The following NRG3 variants were observed in gnomAD, a reference collection of about 807,000 sequenced individuals.
NRG3 encodes the protein pro-neuregulin-3, membrane-bound isoform.
Under a neutral mutation model 66.9 loss-of-function variants are expected in NRG3, and 31 were observed. The ratio of observed to expected loss-of-function variants is 0.46; its 90% CI spans 0.35 to 0.63. The LOEUF is 0.63. NRG3 is among the 20% of genes least tolerant of loss of function. NRG3 has a pLI of 0.00. For synonymous variants in NRG3, 393 were observed against 359.4 expected (o/e 1.09, Z -1.06); for missense variants, 910 against 878.9 (o/e 1.04, Z -0.45).
intron 1 of NRG3, among the ~76,000 whole-genome samples, chr10:82,272,478 A>G (rs969111991): frequency 7.2e-5 from 11 of 152,190 alleles, no homozygotes; most frequent in Admixed American, 2.0e-4. Context: ...TGATTTTCCA[A>G]GTGTACATGA....
intron 2 of NRG3, among the ~76,000 whole-genome samples, chr10:82,508,302 A>G (rs1844863057): frequency 6.6e-6 from 1 of 152,176 alleles, no homozygotes; most frequent in Non-Finnish European, 1.5e-5. Context: ...AGACATGACA[A>G]ATGTGTTATT....
At chr10:82,847,083 G>A (rs1319194249) in intron 3 of NRG3, among the ~76,000 whole-genome samples, 2 of 152,170 alleles carry the variant, frequency 1.3e-5, no homozygotes, top group Non-Finnish European at 1.5e-5. Context: ...CGTAGCATGT[G>A]GTTTTCCAAA....
intron 1 of NRG3, among the ~76,000 whole-genome samples, chr10:82,082,627 CA>C (rs1310365502): frequency 4.6e-5 from 7 of 152,028 alleles, no homozygotes; most frequent in Non-Finnish European, 1.0e-4. Context: ...ATGAGCCTGA[CA>C]AAAAATAGAG....
intron 1 of NRG3, among the ~76,000 whole-genome samples, chr10:82,242,216 G>C (rs745814586): frequency 6.6e-6 from 1 of 151,988 alleles, no homozygotes. Flanking sequence ...AACTTCAATC[G>C]TGGATGCCCC....
At position 82,533,221 on chromosome 10, in the gene NRG3, A is replaced by G. The variant is rs1039770269; in HGVS notation, c.953+174353A>G. Among the ~76,000 whole-genome samples, 9 of 151,972 alleles carry G rather than the reference A, an allele frequency of 5.9e-5. No individual in the cohort carries two copies. The East Asian group carries it at 1.2e-3, about 20-fold the overall frequency. On this transcript the variant is annotated intron_variant, in intron 2 of 8. Transcript: ENST00000372141. ...GGGGGTCTAACATATATGGTTTGCA[A>G]ATAATTTTCTCCCATTCTGTAGGTT... is the stretch of plus-strand genomic sequence containing the variant.
intron 1 of NRG3, among the ~76,000 whole-genome samples, chr10:82,358,053 C>A (rs2083893816): frequency 6.6e-6 from 1 of 151,980 alleles, no homozygotes; most frequent in South Asian, 2.1e-4. Flanking sequence ...ATTTGGGATG[C>A]AGATATTGAT....
intron 2 of NRG3, among the ~76,000 whole-genome samples, chr10:82,568,600 A>G (rs2045554900): frequency 6.6e-6 from 1 of 151,682 alleles, no homozygotes; most frequent in Non-Finnish European, 1.5e-5. Context: ...GTAGAGAAGT[A>G]CTCAGAAGAG....
At chr10:82,615,927 G>T (rs574646323) in intron 2 of NRG3, among the ~76,000 whole-genome samples, 2 of 152,142 alleles carry the variant, frequency 1.3e-5, no homozygotes, top group African/African-American at 4.8e-5. Flanking sequence ...AGACAAAAAG[G>T]CTAGTAAGAA....
At chr10:82,912,176 G>C (rs1157117258) in intron 4 of NRG3, among the ~76,000 whole-genome samples, 2 of 152,188 alleles carry the variant, frequency 1.3e-5, no homozygotes, top group Admixed American at 6.5e-5. Flanking sequence ...ATGTCAATTA[G>C]ATCCAGTTGG....
rs138514629 is a variant in NRG3, at chr10:82,330,099, G to C, written c.824-28640G>C. On this transcript the variant is annotated intron_variant, in intron 1 of 8. Transcript: ENST00000372141. ...TGGATCTTTTCCAAAATCTGTGTCTGTAGTTAGGAACAACTTAATAAGAAG... is the reference window on the plus strand; with the variant it reads ...TGGATCTTTTCCAAAATCTGTGTCTCTAGTTAGGAACAACTTAATAAGAAG... Among the ~76,000 whole-genome samples, 59 of 152,264 alleles carry C rather than the reference G, an allele frequency of 3.9e-4. No homozygotes were observed. In the East Asian group the frequency reaches 0.01, roughly 26 times the overall value.
chr10:82,783,766 A>G (rs1565311416), intron 3 of NRG3, among the ~76,000 whole-genome samples: 2 of 152,216 alleles, frequency 1.3e-5, no homozygotes, highest in Non-Finnish European at 2.9e-5. Context: ...CAATATCGTG[A>G]AAATGGCCAT....
intron 1 of NRG3, among the ~76,000 whole-genome samples, chr10:82,092,293 T>C (rs181649463): frequency 6.6e-6 from 1 of 152,292 alleles, no homozygotes; most frequent in Admixed American, 6.5e-5. Context: ...GGCTGTTAAC[T>C]GCTATGCCAT....
chr10:82,330,318 G>A (rs548697754), intron 1 of NRG3, among the ~76,000 whole-genome samples: 29 of 151,882 alleles, frequency 1.9e-4, no homozygotes, highest in African/African-American at 4.1e-4. Flanking sequence ...TATATTTTCC[G>A]GTCATTTTTG....
At chr10:82,721,031 C>T (rs1488186465) in intron 2 of NRG3, among the ~76,000 whole-genome samples, 3 of 150,132 alleles carry the variant, frequency 2.0e-5, no homozygotes, top group Admixed American at 6.6e-5. Context: ...TAATTTTTGC[C>T]AACTTACTTG....
At chr10:82,781,278 T>A (rs766396955) in intron 3 of NRG3, among the ~76,000 whole-genome samples, 2 of 152,222 alleles carry the variant, frequency 1.3e-5, no homozygotes, top group Non-Finnish European at 2.9e-5. Context: ...CCAGACTGCC[T>A]TTCAAGGGTA....
intron 1 of NRG3, among the ~76,000 whole-genome samples, chr10:81,927,397 C>G (rs181043760): frequency 6.6e-6 from 1 of 151,966 alleles, no homozygotes. Flanking sequence ...ATTACAACAC[C>G]TTTGCTAAAA....
intron 3 of NRG3, among the ~76,000 whole-genome samples, chr10:82,745,755 A>G (rs181187310): frequency 6.6e-6 from 1 of 152,272 alleles, no homozygotes; most frequent in Non-Finnish European, 1.5e-5. Flanking sequence ...AGATACTAGG[A>G]AAATAATTTT....
chr10:82,090,951 C>T (rs1001285164), intron 1 of NRG3, among the ~76,000 whole-genome samples: 1 of 152,112 alleles, frequency 6.6e-6, no homozygotes, highest in Non-Finnish European at 1.5e-5. Flanking sequence ...AGCCTTGTTA[C>T]ACAGGAGCAT....
At chr10:82,323,245 G>A (rs1325878383) in intron 1 of NRG3, among the ~76,000 whole-genome samples, 1 of 152,048 alleles carries the variant, frequency 6.6e-6, no homozygotes, top group Non-Finnish European at 1.5e-5. Context: ...TTTTTATCAT[G>A]CTGTGATAAA....
Sources: gnomAD v4.1 joint callset for allele counts (sites outside exome capture counted in the v4.1 genomes callset) on GRCh38, gnomAD v4.1.1 for gene constraint, MANE v1.5 for transcripts, NCBI Gene and HGNC (gene_info 2026-07-23, HGNC 2026-07-21) for gene names.